The following LUZP2 variants were observed in gnomAD, a reference collection of about 807,000 sequenced individuals.
The protein encoded by LUZP2 is leucine zipper protein 2.
A neutral mutation model predicts 51.6 loss-of-function variants in LUZP2; 52 were observed. The ratio of observed to expected loss-of-function variants is 1.01; its 90% CI spans 0.81 to 1.27. The LOEUF (loss-of-function observed/expected upper bound fraction) is 1.27. Ranked by LOEUF, LUZP2 falls within the 50% of genes most tolerant of loss-of-function variation. LUZP2 has a pLI of 0.00. For missense variants in LUZP2, 436 were observed against 395.4 expected (o/e 1.10, Z -0.87); for synonymous variants, 154 against 137.3 (o/e 1.12, Z -0.85).
intron 1 of LUZP2, among the ~76,000 whole-genome samples, chr11:24,576,320 G>A (rs2133812047): frequency 6.7e-6 from 1 of 148,580 alleles, no homozygotes; most frequent in East Asian, 2.0e-4. Flanking sequence ...GGCTGAGGCA[G>A]GAGAATCACT....
intron 1 of LUZP2, among the ~76,000 whole-genome samples, chr11:24,577,755 T>C (rs886275656): frequency 6.6e-6 from 1 of 152,156 alleles, no homozygotes; most frequent in Non-Finnish European, 1.5e-5. Context: ...TATGAACTAA[T>C]GATTGCTATT....
intron 1 of LUZP2, among the ~76,000 whole-genome samples, chr11:24,725,763 C>T (rs1233667248): frequency 6.6e-6 from 1 of 152,066 alleles, no homozygotes; most frequent in Non-Finnish European, 1.5e-5. Flanking sequence ...ATCTCTAGTA[C>T]ATTAGATGTA....
chr11:24,807,943 G>C (rs575821866), intron 5 of LUZP2, among the ~76,000 whole-genome samples: 2 of 152,090 alleles, frequency 1.3e-5, no homozygotes, highest in African/African-American at 4.8e-5. Flanking sequence ...AATTAAAAGC[G>C]TCACTATCAA....
intron 1 of LUZP2, among the ~76,000 whole-genome samples, chr11:24,641,641 A>C (rs1369456779): frequency 6.6e-6 from 1 of 151,854 alleles, no homozygotes; most frequent in Non-Finnish European, 1.5e-5. Flanking sequence ...GACATATAAA[A>C]AGACATATTT....
intron 1 of LUZP2, among the ~76,000 whole-genome samples, chr11:24,689,352 T>G (rs1856997421): frequency 6.6e-6 from 1 of 152,138 alleles, no homozygotes; most frequent in Admixed American, 6.5e-5. Context: ...CTTGAAGCAC[T>G]TTTCTCTTAC....
intron 1 of LUZP2, among the ~76,000 whole-genome samples, chr11:24,661,037 T>C (rs1427206282): frequency 6.6e-6 from 1 of 152,146 alleles, no homozygotes; most frequent in East Asian, 1.9e-4. Flanking sequence ...CTCAAAAGAA[T>C]TGAAGCCATA....
At chr11:25,071,752 G>T (rs1859164246) in intron 10 of LUZP2, among the ~76,000 whole-genome samples, 2 of 151,372 alleles carry the variant, frequency 1.3e-5, no homozygotes, top group African/African-American at 2.4e-5. Flanking sequence ...ACACCAACAT[G>T]GCACATGTAT....
chr11:24,988,806 T>C (rs1226067427), intron 9 of LUZP2, among the ~76,000 whole-genome samples: 1 of 152,076 alleles, frequency 6.6e-6, no homozygotes, highest in Admixed American at 6.6e-5. Context: ...ATATTTCTTT[T>C]AGTTACTGTG....
intron 5 of LUZP2, among the ~76,000 whole-genome samples, chr11:24,882,111 T>C: frequency 6.6e-6 from 1 of 152,140 alleles, no homozygotes; most frequent in East Asian, 1.9e-4. Flanking sequence ...TTTGTAAAAA[T>C]ATTTTTATTA....
At chr11:24,983,336 A>G (rs749894148) in intron 9 of LUZP2, 43 bp downstream of exon 9, 1 of 1,585,826 alleles carries the variant, frequency 6.3e-7, no homozygotes, top group Non-Finnish European at 8.6e-7. Flanking sequence ...ACAGCAAGTA[A>G]TGTGTTGTCT....
At chr11:25,052,488 C>T (rs112372837) in intron 10 of LUZP2, among the ~76,000 whole-genome samples, 1 of 152,136 alleles carries the variant, frequency 6.6e-6, no homozygotes, top group African/African-American at 2.4e-5. Flanking sequence ...TAATAGATTT[C>T]CCATTCATAA....
In LUZP2 at chr11:24,743,224, A is replaced by T. The variant is rs919493815; in HGVS notation, c.333+4922A>T. The stretch of plus-strand genomic sequence containing the variant: ...GAATTGTTTTTTTCTAATTCTGAGA[A>T]GAATGATGGTGGTATTTTAATGGGG... On this transcript the variant is annotated intron_variant, in intron 4 of 11. Transcript: ENST00000336930. 2.0e-5 allele frequency among the ~76,000 whole-genome samples: 3 copies of T among 152,224 alleles called. No homozygotes were observed. In the South Asian group the frequency reaches 6.2e-4, roughly 32 times the overall value.
chr11:25,053,218 G>A (rs182790038), intron 10 of LUZP2, among the ~76,000 whole-genome samples: 111 of 152,146 alleles, frequency 7.3e-4, no homozygotes, highest in African/African-American at 2.6e-3. Flanking sequence ...AGCCCCAAAT[G>A]TATGTTTTAT....
At chr11:24,842,123 G>A (rs1319793474) in intron 5 of LUZP2, among the ~76,000 whole-genome samples, 1 of 150,344 alleles carries the variant, frequency 6.7e-6, no homozygotes, top group Non-Finnish European at 1.5e-5. Context: ...AAAAGTTGTG[G>A]CAATATATTA....
At chr11:24,602,359 T>C (rs544223371) in intron 1 of LUZP2, among the ~76,000 whole-genome samples, 1 of 118,674 alleles carries the variant, frequency 8.4e-6, no homozygotes, top group African/African-American at 3.4e-5. Flanking sequence ...TAAATCTCTT[T>C]TAAAGTGTGT....
intron 5 of LUZP2, among the ~76,000 whole-genome samples, chr11:24,833,712 G>GCGCACACACACA (rs112834221): frequency 0.011 from 1,651 of 147,214 alleles, 37 homozygotes; most frequent in African/African-American, 0.038. Flanking sequence ...CCGCGCGCGC[G>GCGCACACACACA]CACACACACA....
chr11:24,944,267 C>G (rs1056394608), intron 7 of LUZP2, among the ~76,000 whole-genome samples: 4 of 152,250 alleles, frequency 2.6e-5, no homozygotes, highest in South Asian at 4.1e-4. Flanking sequence ...GGAACCACCA[C>G]TTTAAGGTCA....
chr11:25,027,869 C>CA (rs66524969), intron 9 of LUZP2, among the ~76,000 whole-genome samples: 17 of 92,476 alleles, frequency 1.8e-4, no homozygotes, highest in African/African-American at 6.8e-4. Context: ...AATTCCGTCT[C>CA]AAAAAAAAAA....
At position 24,692,552 on chromosome 11, in the gene LUZP2, G is replaced by A. The variant is rs527434972; in HGVS notation, c.63-36617G>A. 5.3e-5 allele frequency among the ~76,000 whole-genome samples: 8 copies of A among 152,058 alleles called. No homozygotes were observed. In the East Asian group the frequency reaches 5.8e-4, roughly 11 times the overall value. On this transcript the variant is annotated intron_variant, in intron 1 of 11. Transcript: ENST00000336930. ...TTTTTGTTACACTGTAACATTACAC[G>A]TAGTACCAAAAAATTGAAATAAATG...
Sources: gnomAD v4.1 joint callset for allele counts (sites outside exome capture counted in the v4.1 genomes callset) on GRCh38, gnomAD v4.1.1 for gene constraint, MANE v1.5 for transcripts, NCBI Gene and HGNC (gene_info 2026-07-23, HGNC 2026-07-21) for gene names.